The following PLCB4 variants were observed in gnomAD, a reference collection of about 807,000 sequenced individuals.
PLCB4 encodes the protein 1-phosphatidylinositol 4,5-bisphosphate phosphodiesterase beta-4.
PLCB4 carries 77 observed loss-of-function variants against 178.8 expected under a neutral mutation model. That is an observed-to-expected ratio of 0.43 (90% CI 0.36 to 0.52). PLCB4 has a LOEUF of 0.52. Ranked by LOEUF, PLCB4 falls within the 20% of genes least tolerant of loss-of-function variation. The pLI, the probability that PLCB4 is intolerant of heterozygous loss-of-function variation, is 0.00. For synonymous variants in PLCB4, 496 were observed against 490.8 expected (o/e 1.01, Z -0.14); for missense variants, 1,024 against 1,453.4 (o/e 0.70, Z 4.80).
At chr20:9,325,266 C>A (rs1429758148) in intron 4 of PLCB4, among the ~76,000 whole-genome samples, 1 of 152,094 alleles carries the variant, frequency 6.6e-6, no homozygotes, top group African/African-American at 2.4e-5. Flanking sequence ...TATTAAGAAT[C>A]CTGTTTACTT....
chr20:9,331,773 A>G (rs2031695070), intron 4 of PLCB4, among the ~76,000 whole-genome samples: 1 of 152,206 alleles, frequency 6.6e-6, no homozygotes, highest in South Asian at 2.1e-4. Context: ...CACAAGTGAA[A>G]AACATACTCT....
chr20:9,127,982 C>T (rs560357695), intron 2 of PLCB4, among the ~76,000 whole-genome samples: 3 of 152,210 alleles, frequency 2.0e-5, no homozygotes, highest in South Asian at 2.1e-4. Flanking sequence ...ACACCACGCC[C>T]GGCCCATATT....
chr20:9,152,411 G>C (rs62194761), intron 2 of PLCB4, among the ~76,000 whole-genome samples: 1 of 152,258 alleles, frequency 6.6e-6, no homozygotes, highest in African/African-American at 2.4e-5. Flanking sequence ...ACAGCCTAGG[G>C]ACATAGTGCC....
intron 2 of PLCB4, among the ~76,000 whole-genome samples, chr20:9,132,488 C>T (rs2092294916): frequency 6.6e-6 from 1 of 152,124 alleles, no homozygotes; most frequent in South Asian, 2.1e-4. Flanking sequence ...AGTCCTACAA[C>T]CTAGAGTCCA....
chr20:9,091,645 G>A (rs1366840302), intron 1 of PLCB4, among the ~76,000 whole-genome samples: 1 of 150,426 alleles, frequency 6.6e-6, no homozygotes, highest in East Asian at 2.0e-4. Context: ...TGCCTAACTG[G>A]GGAGCGGTGA....
chr20:9,082,554 G>T (rs2090205151), intron 1 of PLCB4, among the ~76,000 whole-genome samples: 1 of 152,134 alleles, frequency 6.6e-6, no homozygotes, highest in African/African-American at 2.4e-5. Context: ...TGCTAAGTAT[G>T]TTAATTATTA....
chr20:9,405,264 A>T, intron 20 of PLCB4, 49 bp from the exon 21 acceptor site: 1 of 1,053,590 alleles, frequency 9.5e-7, no homozygotes, highest in Non-Finnish European at 1.4e-6. Context: ...ATAAATTTGG[A>T]ATTTTGCCCT....
At chr20:9,382,963 C>A (rs2037272581) in intron 13 of PLCB4, among the ~76,000 whole-genome samples, 1 of 151,920 alleles carries the variant, frequency 6.6e-6, no homozygotes, top group South Asian at 2.1e-4. Flanking sequence ...ACCTAACTAT[C>A]CATCAACCAA....
chr20:9,311,055 TGTG>T (rs1165467215), intron 4 of PLCB4, among the ~76,000 whole-genome samples: 12 of 152,238 alleles, frequency 7.9e-5, no homozygotes, highest in Non-Finnish European at 1.6e-4. Flanking sequence ...ATTCGTCTCT[TGTG>T]GAGGAGAGAA....
chr20:9,199,560 C>G (rs1305530434), intron 2 of PLCB4, among the ~76,000 whole-genome samples: 1 of 152,138 alleles, frequency 6.6e-6, no homozygotes, highest in Non-Finnish European at 1.5e-5. Flanking sequence ...ACACTGAAAT[C>G]TAGGGGAAGG....
At chr20:9,111,450 G>T (rs887494776) in intron 2 of PLCB4, among the ~76,000 whole-genome samples, 4 of 152,094 alleles carry the variant, frequency 2.6e-5, no homozygotes, top group African/African-American at 9.7e-5. Flanking sequence ...ATTTATGAAA[G>T]TTCCATTTAT....
At chr20:9,361,347 G>T (rs1266047802) in intron 7 of PLCB4, among the ~76,000 whole-genome samples, 1 of 152,164 alleles carries the variant, frequency 6.6e-6, no homozygotes, top group Non-Finnish European at 1.5e-5. Context: ...GAACTTTGAG[G>T]ACTTTATGCT....
chr20:9,362,904 A>G lies in PLCB4; in HGVS notation c.378A>G (p.Val126=), dbSNP rs1235807036. The change falls in exon 8 of 40, where the codon GTA becomes GTG. Residue 126 remains valine (V), a synonymous_variant. Transcript: ENST00000378473. ...AENPEVTKQW[V]EGLRSIIHNF... ...TTTTCTTTCTCTTTCAGCAATGGGT[A>G]GAAGGCCTGAGATCAATCATACACA... 6.2e-7 allele frequency: 1 copy of G among 1,610,690 alleles called. No homozygotes were observed. The highest frequency in any genetic ancestry group is 8.5e-7 in the Non-Finnish European group (1 of 1,176,990).
At chr20:9,422,157 C>T (rs1446153284) in intron 27 of PLCB4, among the ~76,000 whole-genome samples, 3 of 152,202 alleles carry the variant, frequency 2.0e-5, no homozygotes, top group Non-Finnish European at 4.4e-5. Context: ...GTCCTGACCA[C>T]AATGATTTCT....
At chr20:9,441,192 A>G (rs1324399366) in intron 30 of PLCB4, among the ~76,000 whole-genome samples, 2 of 152,126 alleles carry the variant, frequency 1.3e-5, no homozygotes, top group Non-Finnish European at 2.9e-5. Context: ...ACCTAAAAGG[A>G]CACATGTGGA....
At chr20:9,381,488 G>A (rs935076072) in intron 13 of PLCB4, among the ~76,000 whole-genome samples, 7 of 152,206 alleles carry the variant, frequency 4.6e-5, no homozygotes, top group Admixed American at 4.6e-4. Flanking sequence ...AGGCAGTTGC[G>A]ATCTGTTCAA....
rs554439949 is a variant in PLCB4 at position 9,274,984 on chromosome 20, CTT to C, written c.-15-32814_-15-32813del. Among the ~76,000 whole-genome samples the C allele has an allele frequency of 7.2e-5, 11 of 152,146 alleles. No homozygotes were observed. The South Asian group carries it at 2.3e-3, about 32-fold the overall frequency. The stretch of plus-strand genomic sequence containing the variant: ...GAAAAAATCTTTCCAATTCAGAACT[CTT>C]TGAATGTAATAGAGACTCTTTAGAA... On this transcript the variant is annotated intron_variant, in intron 3 of 39. Coordinates refer to ENST00000378473, the MANE Select transcript of PLCB4 (RefSeq NM_001377142.1).
intron 17 of PLCB4, among the ~76,000 whole-genome samples, chr20:9,393,216 C>G (rs1369186383): frequency 2.0e-5 from 3 of 152,132 alleles, no homozygotes; most frequent in African/African-American, 7.2e-5. Flanking sequence ...CTTGGGAAAG[C>G]TAATTCTGAA....
At chr20:9,307,555 A>C (rs2094785865) in intron 3 of PLCB4, among the ~76,000 whole-genome samples, 1 of 148,428 alleles carries the variant, frequency 6.7e-6, no homozygotes, top group African/African-American at 2.5e-5. Flanking sequence ...ACATCTTGTT[A>C]TTTTGTAGGA....
Sources: gnomAD v4.1 joint callset for allele counts (sites outside exome capture counted in the v4.1 genomes callset) on GRCh38, gnomAD v4.1.1 for gene constraint, MANE v1.5 for transcripts, NCBI Gene and HGNC (gene_info 2026-07-23, HGNC 2026-07-21) for gene names.